Variants in ROBO1 observed in about 807,000 individuals in gnomAD.
ROBO1 encodes roundabout homolog 1.
A neutral mutation model predicts 195.9 loss-of-function variants in ROBO1; 149 were observed. The observed-to-expected ratio is 0.76, with a 90% CI of 0.67 to 0.87. ROBO1 has a LOEUF of 0.87. Ranked by LOEUF, ROBO1 falls within the 40% of genes least tolerant of loss-of-function variation. The probability of loss-of-function intolerance (pLI) is 0.00; values close to 1 mark genes in which losing one functional copy is unlikely to be tolerated. For synonymous variants in ROBO1, 816 were observed against 733.2 expected (o/e 1.11, Z -1.82); for missense variants, 1,933 against 2,068.3 (o/e 0.93, Z 1.27).
intron 1 of ROBO1, among the ~76,000 whole-genome samples, chr3:79,625,423 GA>G: frequency 0.064 from 891 of 13,848 alleles, 5 homozygotes; most frequent in African/African-American, 0.075. Flanking sequence ...TGTTTTTTTT[GA>G]AAAAAAAAAA....
chr3:79,727,589 T>C (rs1702975591), intron 1 of ROBO1, among the ~76,000 whole-genome samples: 1 of 152,200 alleles, frequency 6.6e-6, no homozygotes. Flanking sequence ...TATGTCTGTG[T>C]TGGATTTTGG....
chr3:79,132,556 T>C (rs1455746617), intron 2 of ROBO1, among the ~76,000 whole-genome samples: 6 of 1,778 alleles, frequency 3.4e-3, no homozygotes, highest in African/African-American at 0.019. Context: ...CTCCATCCTT[T>C]TATTTTGAGC....
intron 2 of ROBO1, among the ~76,000 whole-genome samples, chr3:79,427,419 A>T (rs1280477635): frequency 2.0e-5 from 3 of 152,188 alleles, no homozygotes; most frequent in Non-Finnish European, 4.4e-5. Context: ...GCAAATGAAG[A>T]GGCAGGAGAA....
intron 2 of ROBO1, among the ~76,000 whole-genome samples, chr3:79,432,065 G>A (rs1333924890): frequency 6.6e-6 from 1 of 152,082 alleles, no homozygotes; most frequent in African/African-American, 2.4e-5. Context: ...CATTATAAAT[G>A]TGTTTAGCTG....
chr3:79,354,206 CTT>C (rs943935541), intron 2 of ROBO1, among the ~76,000 whole-genome samples: 1 of 152,298 alleles, frequency 6.6e-6, no homozygotes, highest in South Asian at 2.1e-4. Flanking sequence ...ACCAAGAACT[CTT>C]TTAAACTTGT....
intron 2 of ROBO1, among the ~76,000 whole-genome samples, chr3:79,581,492 A>G (rs992981073): frequency 1.3e-5 from 2 of 152,132 alleles, no homozygotes; most frequent in African/African-American, 4.8e-5. Flanking sequence ...GCTTCCATCT[A>G]CTTAAACAAT....
At chr3:78,800,156 T>C (rs967937940) in intron 4 of ROBO1, among the ~76,000 whole-genome samples, 2 of 152,150 alleles carry the variant, frequency 1.3e-5, no homozygotes, top group African/African-American at 2.4e-5. Flanking sequence ...ATCTTCAAGG[T>C]GGGGTATATT....
chr3:79,072,433 T>A (rs1235330547), intron 3 of ROBO1, among the ~76,000 whole-genome samples: 1 of 151,896 alleles, frequency 6.6e-6, no homozygotes, highest in African/African-American at 2.4e-5. Context: ...CCAAATAATA[T>A]AGCAGTGACA....
chr3:79,570,042 A>G (rs560539922), intron 2 of ROBO1, among the ~76,000 whole-genome samples: 1 of 152,218 alleles, frequency 6.6e-6, no homozygotes, highest in Non-Finnish European at 1.5e-5. Context: ...TCAAGGCTGC[A>G]GTGAGCCAAG....
At chr3:79,021,882 G>C (rs1370953177) in intron 3 of ROBO1, among the ~76,000 whole-genome samples, 1 of 152,042 alleles carries the variant, frequency 6.6e-6, no homozygotes, top group African/African-American at 2.4e-5. Flanking sequence ...GGTTGGTCTC[G>C]ATCTCCTGAC....
At chr3:79,286,203 T>A (rs1224417883) in intron 2 of ROBO1, among the ~76,000 whole-genome samples, 7 of 152,180 alleles carry the variant, frequency 4.6e-5, no homozygotes, top group African/African-American at 9.7e-5. Context: ...AAAATCTAAC[T>A]GGCATTTAGC....
At chr3:79,528,092 A>G (rs532270331) in intron 2 of ROBO1, among the ~76,000 whole-genome samples, 1 of 116,610 alleles carries the variant, frequency 8.6e-6, no homozygotes, top group Admixed American at 8.3e-5. Context: ...GGCTCTTTTC[A>G]TCACCACATA....
At chr3:79,213,468 A>G (rs769258628) in intron 2 of ROBO1, among the ~76,000 whole-genome samples, 32 of 152,116 alleles carry the variant, frequency 2.1e-4, no homozygotes, top group Non-Finnish European at 4.3e-4. Context: ...TTTTGTCCCT[A>G]ATGACTGATG....
intron 2 of ROBO1, among the ~76,000 whole-genome samples, chr3:79,518,859 T>C (rs956478943): frequency 5.1e-4 from 73 of 143,638 alleles, no homozygotes; most frequent in African/African-American, 1.9e-3. Flanking sequence ...TTTTTTTTTT[T>C]AGTAGAGACG....
chr3:78,794,468 G>T (rs62257494), intron 4 of ROBO1, among the ~76,000 whole-genome samples: 3 of 152,106 alleles, frequency 2.0e-5, no homozygotes, highest in Non-Finnish European at 1.5e-5. Flanking sequence ...TTACAAGCAA[G>T]AAAAGAAAAG....
intron 1 of ROBO1, among the ~76,000 whole-genome samples, chr3:79,643,366 C>T (rs774098765): frequency 6.6e-6 from 1 of 152,102 alleles, no homozygotes; most frequent in Non-Finnish European, 1.5e-5. Flanking sequence ...GAGACTTCAC[C>T]TTGTGATTGT....
At chr3:78,741,897 T>C (rs1203147431) in intron 5 of ROBO1, among the ~76,000 whole-genome samples, 1 of 152,108 alleles carries the variant, frequency 6.6e-6, no homozygotes, top group Non-Finnish European at 1.5e-5. Context: ...AAGAAATATG[T>C]GCCAAAAAAG....
At chr3:79,351,391 C>T (rs180738296) in intron 2 of ROBO1, among the ~76,000 whole-genome samples, 3 of 152,144 alleles carry the variant, frequency 2.0e-5, no homozygotes, top group Non-Finnish European at 4.4e-5. Flanking sequence ...AAATGTCAAA[C>T]ACTCAGATTT....
chr3:79,584,253 A>AATATATATAT (rs10526101), intron 2 of ROBO1, among the ~76,000 whole-genome samples: 3 of 144,620 alleles, frequency 2.1e-5, no homozygotes, highest in East Asian at 2.1e-4. Context: ...AGGTACATGT[A>AATATATATAT]ATATATATAT....
Sources: gnomAD v4.1 joint callset for allele counts (sites outside exome capture counted in the v4.1 genomes callset) on GRCh38, gnomAD v4.1.1 for gene constraint, MANE v1.5 for transcripts, NCBI Gene and HGNC (gene_info 2026-07-23, HGNC 2026-07-21) for gene names.